Variants in SYNDIG1 observed in about 807,000 individuals in gnomAD.
SYNDIG1 encodes synapse differentiation-inducing gene protein 1.
SYNDIG1 carries 9 observed loss-of-function variants against 19.4 expected under a neutral mutation model. The observed-to-expected ratio is 0.46, with a 90% confidence interval of 0.28 to 0.81. SYNDIG1 has a LOEUF of 0.81. Among genes scored for constraint, SYNDIG1 ranks in the 30% least tolerant of loss-of-function variants. The probability of loss-of-function intolerance (pLI) is 0.12; values close to 1 mark genes in which losing one functional copy is unlikely to be tolerated. For synonymous variants in SYNDIG1, 141 were observed against 145.9 expected (o/e 0.97, Z 0.24); for missense variants, 311 against 343.3 (o/e 0.91, Z 0.74).
chr20:24,514,080 A>T (rs1395495355), intron 1 of SYNDIG1, among the ~76,000 whole-genome samples: 5 of 152,182 alleles, frequency 3.3e-5, no homozygotes, highest in Admixed American at 1.3e-4. Flanking sequence ...ATGCTGAGAG[A>T]TTTTGTCACC....
chr20:24,662,367 T>A (rs1217450884), intron 3 of SYNDIG1, among the ~76,000 whole-genome samples: 1 of 152,044 alleles, frequency 6.6e-6, no homozygotes, highest in African/African-American at 2.4e-5. Flanking sequence ...AGAAAGCAGG[T>A]CTTTTAATTC....
At chr20:24,585,925 G>T (rs1054284453) in intron 3 of SYNDIG1, among the ~76,000 whole-genome samples, 16 of 152,234 alleles carry the variant, frequency 1.1e-4, no homozygotes, top group African/African-American at 3.9e-4. Context: ...GACCAGGGCT[G>T]CACACAACTG....
intron 3 of SYNDIG1, among the ~76,000 whole-genome samples, chr20:24,640,537 T>C (rs2059366308): frequency 7.2e-6 from 1 of 137,946 alleles, no homozygotes; most frequent in African/African-American, 2.9e-5. Flanking sequence ...AAGGAGCTTT[T>C]CTTCAAATAA....
intron 1 of SYNDIG1, among the ~76,000 whole-genome samples, chr20:24,496,036 AG>A (rs1487631930): frequency 6.6e-6 from 1 of 152,008 alleles, no homozygotes; most frequent in Non-Finnish European, 1.5e-5. Flanking sequence ...TAGTGGAGAC[AG>A]GGTTTCACCA....
chr20:24,566,691 G>C (rs372158906), intron 2 of SYNDIG1, among the ~76,000 whole-genome samples: 1 of 152,132 alleles, frequency 6.6e-6, no homozygotes, highest in Non-Finnish European at 1.5e-5. Flanking sequence ...CTGAGTTCCC[G>C]TCCCCATCTC....
rs372296274 is a variant in SYNDIG1 at position 24,517,337 on chromosome 20, C to T, written c.-78-25683C>T. Among the ~76,000 whole-genome samples the T allele has an allele frequency of 4.9e-4, 73 of 150,394 alleles. 1 individual carries two copies. The highest frequency in any genetic ancestry group is 1.4e-3 in the African/African-American group (57 of 41,182). On this transcript the variant is annotated intron_variant, in intron 1 of 3. Transcript: ENST00000376862. ...TAAATAAATAAATATATATATATGC[C>T]GGGTGTGGTGGCTCACGCCTGTAAT...
chr20:24,571,557 T>C (rs2058144803), intron 2 of SYNDIG1, among the ~76,000 whole-genome samples: 1 of 152,212 alleles, frequency 6.6e-6, no homozygotes, highest in African/African-American at 2.4e-5. Flanking sequence ...ATTTATATTA[T>C]ATGAAGTCAT....
At chr20:24,498,848 GC>G (rs925197255) in intron 1 of SYNDIG1, among the ~76,000 whole-genome samples, 12 of 152,216 alleles carry the variant, frequency 7.9e-5, no homozygotes, top group African/African-American at 2.9e-4. Context: ...CCATGCCTTG[GC>G]TGTTATGAAG....
At chr20:24,556,444 C>T (rs979393580) in intron 2 of SYNDIG1, among the ~76,000 whole-genome samples, 1 of 152,124 alleles carries the variant, frequency 6.6e-6, no homozygotes, top group African/African-American at 2.4e-5. Flanking sequence ...GGGCTGGTAC[C>T]GATTGTTCCT....
chr20:24,560,622 A>G (rs1303925438), intron 2 of SYNDIG1, among the ~76,000 whole-genome samples: 1 of 146,894 alleles, frequency 6.8e-6, no homozygotes, highest in Non-Finnish European at 1.5e-5. Context: ...TCACTGTTGC[A>G]TTGAAGTCTT....
chr20:24,477,258 A>G (rs2055655150), intron 1 of SYNDIG1, among the ~76,000 whole-genome samples: 1 of 152,000 alleles, frequency 6.6e-6, no homozygotes, highest in Non-Finnish European at 1.5e-5. Flanking sequence ...CTGCTTAGTG[A>G]GTGCTGGGGT....
At chr20:24,482,257 G>T (rs2055819621) in intron 1 of SYNDIG1, among the ~76,000 whole-genome samples, 1 of 152,202 alleles carries the variant, frequency 6.6e-6, no homozygotes, top group Admixed American at 6.5e-5. Flanking sequence ...AGGCTGGAGT[G>T]CAGTGGTGTG....
intron 1 of SYNDIG1, among the ~76,000 whole-genome samples, chr20:24,541,740 AC>A (rs745568205): frequency 2.0e-4 from 31 of 152,236 alleles, no homozygotes; most frequent in Non-Finnish European, 3.2e-4. Context: ...CTCTGTAGCT[AC>A]TGGTTCTGAG....
At chr20:24,556,984 T>C (rs956613223) in intron 2 of SYNDIG1, among the ~76,000 whole-genome samples, 3 of 152,230 alleles carry the variant, frequency 2.0e-5, no homozygotes, top group Non-Finnish European at 4.4e-5. Flanking sequence ...GTCCCATATT[T>C]CTTGGAGGTG....
chr20:24,578,890 C>A (rs2058276165), intron 2 of SYNDIG1, among the ~76,000 whole-genome samples: 1 of 152,222 alleles, frequency 6.6e-6, no homozygotes, highest in Non-Finnish European at 1.5e-5. Context: ...CATTCTCCAT[C>A]ATAAAGGCCA....
chr20:24,606,721 C>T lies in SYNDIG1; in HGVS notation c.618+21728C>T, dbSNP rs146023748. Among the ~76,000 whole-genome samples the T allele has an allele frequency of 5.5e-3, 845 of 152,260 alleles. 13 individuals carry two copies. Among genetic ancestry groups the T allele is most frequent in the African/African-American group, 0.019 (801 of 41,530 alleles). On this transcript the variant is annotated intron_variant, in intron 3 of 3. Coordinates refer to ENST00000376862, the MANE Select transcript of SYNDIG1 (RefSeq NM_024893.3). ...AGGTGGGCAGAGCGCAGCACAAGTG[C>T]CCATCCCTGGGGTTATGTAGGGGAG...
At chr20:24,504,174 A>G (rs1010156961) in intron 1 of SYNDIG1, among the ~76,000 whole-genome samples, 13 of 152,172 alleles carry the variant, frequency 8.5e-5, no homozygotes, top group South Asian at 2.1e-4. Context: ...TAGCCAGGAT[A>G]GTCTTGGTCT....
intron 1 of SYNDIG1, among the ~76,000 whole-genome samples, chr20:24,507,906 T>C (rs542250680): frequency 4.1e-4 from 62 of 152,112 alleles, no homozygotes; most frequent in African/African-American, 1.4e-3. Context: ...GGTGCGCTGT[T>C]CCACAACCCA....
At chr20:24,494,672 G>C (rs1005604623) in intron 1 of SYNDIG1, among the ~76,000 whole-genome samples, 2 of 152,266 alleles carry the variant, frequency 1.3e-5, no homozygotes, top group South Asian at 2.1e-4. Context: ...AGCAGGGACC[G>C]GGGCCCTGAG....
Sources: gnomAD v4.1 joint callset for allele counts (sites outside exome capture counted in the v4.1 genomes callset) on GRCh38, gnomAD v4.1.1 for gene constraint, MANE v1.5 for transcripts, NCBI Gene and HGNC (gene_info 2026-07-23, HGNC 2026-07-21) for gene names.